Variants in ZFHX3 observed in about 807,000 individuals in gnomAD.
The protein encoded by ZFHX3 is zinc finger homeobox protein 3.
A neutral mutation model predicts 279.1 loss-of-function variants in ZFHX3; 42 were observed. The ratio of observed to expected loss-of-function variants is 0.15; its 90% confidence interval spans 0.12 to 0.19. The LOEUF (loss-of-function observed/expected upper bound fraction) is 0.19, where lower values mean the gene tolerates loss of function less well. ZFHX3 is among the 10% of genes least tolerant of loss of function. The pLI, the probability that ZFHX3 is intolerant of heterozygous loss-of-function variation, is 1.00. For missense variants in ZFHX3, 4,981 were observed against 4,754.0 expected, an observed-to-expected ratio of 1.05 and a Z score of -1.40; for synonymous variants, 2,293 against 1,957.8, an observed-to-expected ratio of 1.17 and a Z score of -4.52.
intron 1 of ZFHX3, among the ~76,000 whole-genome samples, chr16:73,000,994 C>T (rs992675233): frequency 2.0e-5 from 3 of 152,240 alleles, no homozygotes; most frequent in African/African-American, 2.4e-5. Context: ...AATCCCACCC[C>T]GTGGCATTCA....
At chr16:73,578,438 T>G (rs1345675736) in intron 2 of ZFHX3, among the ~76,000 whole-genome samples, 10 of 152,152 alleles carry the variant, frequency 6.6e-5, no homozygotes, top group Admixed American at 6.5e-4. Context: ...TGGGAAACTT[T>G]GAGCAAAGAA....
At chr16:73,587,989 G>A (rs1266627248) in intron 2 of ZFHX3, among the ~76,000 whole-genome samples, 1 of 152,026 alleles carries the variant, frequency 6.6e-6, no homozygotes, top group African/African-American at 2.4e-5. Context: ...ACAAAAATGG[G>A]GCACACAGTG....
chr16:73,512,767 G>T (rs924218962), intron 2 of ZFHX3, among the ~76,000 whole-genome samples: 1 of 152,170 alleles, frequency 6.6e-6, no homozygotes, highest in African/African-American at 2.4e-5. Flanking sequence ...TTGCATTCAG[G>T]AAAGTGTCAG....
intron 2 of ZFHX3, among the ~76,000 whole-genome samples, chr16:73,573,088 C>A (rs899374528): frequency 6.6e-6 from 1 of 152,192 alleles, no homozygotes; most frequent in African/African-American, 2.4e-5. Flanking sequence ...ATACAACACA[C>A]CTGAGCCCAA....
chr16:72,995,447 C>T (rs942565130), intron 1 of ZFHX3, among the ~76,000 whole-genome samples: 2 of 152,146 alleles, frequency 1.3e-5, no homozygotes, highest in African/African-American at 4.8e-5. Context: ...TAAATAACTT[C>T]CAGTCCTGAA....
chr16:73,794,805 T>C (rs188648278), intron 1 of ZFHX3, among the ~76,000 whole-genome samples: 8 of 152,344 alleles, frequency 5.3e-5, no homozygotes, highest in Non-Finnish European at 1.0e-4. Flanking sequence ...ACATATTACA[T>C]AGAAATCTCT....
chr16:73,767,235 C>G (rs189958349), intron 1 of ZFHX3, among the ~76,000 whole-genome samples: 688 of 152,234 alleles, frequency 4.5e-3, no homozygotes, highest in Admixed American at 7.5e-3. Context: ...CTGCGCCCAG[C>G]CTTTGCCACT....
chr16:73,415,411 T>C (rs1308584180), intron 3 of ZFHX3, among the ~76,000 whole-genome samples: 1 of 152,184 alleles, frequency 6.6e-6, no homozygotes, highest in East Asian at 1.9e-4. Context: ...CCATTAAGCC[T>C]TAAATGGGTA....
chr16:73,448,694 G>GTGTGTA (rs1347055365), intron 3 of ZFHX3, among the ~76,000 whole-genome samples: 1 of 150,502 alleles, frequency 6.6e-6, no homozygotes, highest in Non-Finnish European at 1.5e-5. Flanking sequence ...ACGTGTGTGT[G>GTGTGTA]TGTGTGTGTG....
At chr16:72,992,705 C>T (rs1442961818) in intron 1 of ZFHX3, among the ~76,000 whole-genome samples, 1 of 152,204 alleles carries the variant, frequency 6.6e-6, no homozygotes, top group Non-Finnish European at 1.5e-5. Context: ...ATAAAGGAGA[C>T]TGACCAAGAA....
At chr16:73,070,418 A>C (rs890520697) in intron 8 of ZFHX3, among the ~76,000 whole-genome samples, 15 of 151,866 alleles carry the variant, frequency 9.9e-5, no homozygotes, top group Non-Finnish European at 7.4e-5. Flanking sequence ...CCCCACCTCT[A>C]TTATTTTTTT....
At chr16:73,294,456 A>G (rs945649792) in intron 4 of ZFHX3, among the ~76,000 whole-genome samples, 1 of 152,248 alleles carries the variant, frequency 6.6e-6, no homozygotes, top group African/African-American at 2.4e-5. Flanking sequence ...GGGGCTGGAT[A>G]ATGTGCTTAT....
At chr16:73,459,316 G>T (rs2018430614) in intron 2 of ZFHX3, among the ~76,000 whole-genome samples, 1 of 152,130 alleles carries the variant, frequency 6.6e-6, no homozygotes, top group African/African-American at 2.4e-5. Context: ...ATAAAGAACT[G>T]CCTGAGACTA....
chr16:73,334,021 G>C (rs1369511998), intron 3 of ZFHX3, among the ~76,000 whole-genome samples: 1 of 152,130 alleles, frequency 6.6e-6, no homozygotes, highest in Non-Finnish European at 1.5e-5. Context: ...ACTCACGAAG[G>C]AGGGAGAATG....
At chr16:73,810,308 G>C (rs1343834315) in intron 1 of ZFHX3, among the ~76,000 whole-genome samples, 3 of 152,200 alleles carry the variant, frequency 2.0e-5, no homozygotes, top group African/African-American at 7.2e-5. Context: ...GGGAGTATTT[G>C]GGCCCCTGAT....
chr16:73,628,100 T>C (rs147428741), intron 2 of ZFHX3, among the ~76,000 whole-genome samples: 25 of 152,228 alleles, frequency 1.6e-4, no homozygotes, highest in African/African-American at 4.6e-4. Context: ...TATTTTATCA[T>C]TGTACTCAGT....
intron 1 of ZFHX3, among the ~76,000 whole-genome samples, chr16:73,743,655 C>CTATA (rs781309377): frequency 6.6e-6 from 1 of 151,572 alleles, no homozygotes; most frequent in Non-Finnish European, 1.5e-5. Flanking sequence ...CAGGTAACTC[C>CTATA]TACATATATA....
intron 5 of ZFHX3, among the ~76,000 whole-genome samples, chr16:73,170,774 G>A (rs1046347046): frequency 1.3e-5 from 2 of 152,124 alleles, no homozygotes; most frequent in African/African-American, 4.8e-5. Flanking sequence ...TGTCTCCCCA[G>A]GAAGTGTCAG....
At chr16:73,226,206 C>A (rs190296114) in intron 5 of ZFHX3, among the ~76,000 whole-genome samples, 28 of 152,246 alleles carry the variant, frequency 1.8e-4, no homozygotes, top group Admixed American at 5.9e-4. Flanking sequence ...GCCCTCAGGG[C>A]CTCCCAGGTG....
Sources: gnomAD v4.1 joint callset for allele counts (sites outside exome capture counted in the v4.1 genomes callset) on GRCh38, gnomAD v4.1.1 for gene constraint, MANE v1.5 for transcripts, NCBI Gene and HGNC (gene_info 2026-07-23, HGNC 2026-07-21) for gene names.